The following MARCHF7 variants were observed in gnomAD, a reference collection of about 807,000 sequenced individuals.
MARCHF7 encodes the protein membrane associated ring-CH-type finger 7.
MARCHF7 carries 20 observed loss-of-function variants against 76.5 expected under a neutral mutation model. That is an observed-to-expected ratio of 0.26 (90% CI 0.18 to 0.38). The LOEUF (loss-of-function observed/expected upper bound fraction) is 0.38, where lower values mean the gene tolerates loss of function less well. Among genes scored for constraint, MARCHF7 ranks in the 10% least tolerant of loss-of-function variants. The pLI is 1.00. For missense variants in MARCHF7, 797 were observed against 812.9 expected (o/e 0.98, Z 0.24); for synonymous variants, 295 against 293.0 (o/e 1.01, Z -0.07).
chr2:159,713,421 C>G (rs748897378), intron 1 of MARCHF7, among the ~76,000 whole-genome samples: 4 of 152,110 alleles, frequency 2.6e-5, no homozygotes, highest in African/African-American at 9.7e-5. Flanking sequence ...GTAATAAATT[C>G]GTCACGACTA....
chr2:159,734,551 G>A (rs1703225146), intron 4 of MARCHF7, among the ~76,000 whole-genome samples: 3 of 152,082 alleles, frequency 2.0e-5, no homozygotes, highest in Admixed American at 1.3e-4. Context: ...TATGGAGAGT[G>A]GGTCAGAATT....
At chr2:159,757,678 G>A (rs1198297935) in intron 8 of MARCHF7, among the ~76,000 whole-genome samples, 2 of 152,136 alleles carry the variant, frequency 1.3e-5, no homozygotes, top group African/African-American at 4.8e-5. Context: ...GGTTGCTCCC[G>A]GCTGAGTGTA....
intron 3 of MARCHF7, among the ~76,000 whole-genome samples, chr2:159,716,603 A>C (rs1701068851): frequency 6.6e-6 from 1 of 152,022 alleles, no homozygotes; most frequent in Admixed American, 6.6e-5. Context: ...TGATTGCACC[A>C]CTGCACTCTG....
intron 4 of MARCHF7, among the ~76,000 whole-genome samples, 175 bp downstream of exon 4, chr2:159,729,350 G>A (rs1702513993): frequency 6.6e-6 from 1 of 152,066 alleles, no homozygotes; most frequent in Non-Finnish European, 1.5e-5. Context: ...TCAGAATTAT[G>A]GATAACAGAT....
At chr2:159,735,401 T>C (rs1370285335) in intron 4 of MARCHF7, among the ~76,000 whole-genome samples, 1 of 152,194 alleles carries the variant, frequency 6.6e-6, no homozygotes, top group Non-Finnish European at 1.5e-5. Context: ...TACCATATAG[T>C]TTGCCCATTT....
Position 159,728,990 on chromosome 2 carries a change from G to T in MARCHF7, c.-14-19G>T. The T allele has an allele frequency of 6.7e-7, 1 of 1,497,776 alleles. No homozygotes were observed. Among genetic ancestry groups the T allele is most frequent in the South Asian group, 1.3e-5 (1 of 75,236 alleles). The allele number at this position is 1,497,776 out of a possible 1,614,324, so 92.8% of individuals were successfully genotyped here. A position where few individuals can be genotyped will look rare whatever the true frequency, so the allele number is the denominator to read the frequency against. Reference sequence around the variant, plus strand: ...TCATATTTTCCCAAAGGCAATTAATGAAAATTTTTATTTCACAGAAAAATC... The same window carrying T: ...TCATATTTTCCCAAAGGCAATTAATTAAAATTTTTATTTCACAGAAAAATC... On this transcript the variant is annotated intron_variant, in intron 3 of 11. Coordinates refer to ENST00000409175, the MANE Select transcript of MARCHF7 (RefSeq NM_001282805.2).
rs991081897 is a variant in MARCHF7 at position 159,720,476 on chromosome 2, C to G, written c.-15+4710C>G. ...TTTCCTGTTCCTTGCCTGTATTTTTCAAGCTTCTCTTTATTCAAACACACT... is the reference window on the plus strand; with the variant it reads ...TTTCCTGTTCCTTGCCTGTATTTTTGAAGCTTCTCTTTATTCAAACACACT... On this transcript the variant is annotated intron_variant, in intron 3 of 11. Transcript: ENST00000409175. Among the ~76,000 whole-genome samples the G allele has an allele frequency of 1.1e-4, 16 of 152,144 alleles. 2 individuals are homozygous for G. The East Asian group carries it at 2.9e-3, about 27-fold the overall frequency.
intron 3 of MARCHF7, among the ~76,000 whole-genome samples, chr2:159,723,031 A>G (rs1406178214): frequency 6.6e-6 from 1 of 152,216 alleles, no homozygotes; most frequent in African/African-American, 2.4e-5. Flanking sequence ...ATGTCTTTTA[A>G]AAAGCATTTT....
intron 8 of MARCHF7, among the ~76,000 whole-genome samples, chr2:159,758,036 G>A (rs941837947): frequency 6.6e-6 from 1 of 152,152 alleles, no homozygotes; most frequent in Non-Finnish European, 1.5e-5. Flanking sequence ...GCTCCTTGAA[G>A]GCAGGGCCTA....
chr2:159,717,771 T>G (rs1701200057), intron 3 of MARCHF7, among the ~76,000 whole-genome samples: 1 of 152,044 alleles, frequency 6.6e-6, no homozygotes. Context: ...AAACTAAGTA[T>G]AAAGAAGAAA....
At chr2:159,734,860 T>C (rs571211911) in intron 4 of MARCHF7, among the ~76,000 whole-genome samples, 1 of 150,552 alleles carries the variant, frequency 6.6e-6, no homozygotes, top group South Asian at 2.1e-4. Context: ...GCACACATCT[T>C]AGTCCCAGCT....
intron 4 of MARCHF7, among the ~76,000 whole-genome samples, chr2:159,737,110 G>A (rs940360907): frequency 6.6e-6 from 1 of 152,210 alleles, no homozygotes; most frequent in Non-Finnish European, 1.5e-5. Flanking sequence ...TGTAAATTTA[G>A]TTGCTTCCAT....
At chr2:159,754,966 G>A (rs12478590) in intron 8 of MARCHF7, among the ~76,000 whole-genome samples, 12,152 of 152,204 alleles carry the variant, frequency 0.08, 573 homozygotes, top group African/African-American at 0.13. Flanking sequence ...AGTGAGGTAC[G>A]TGTACAATTT....
rs184917625 is a variant in MARCHF7, at chr2:159,723,509, A to G, written c.-14-5500A>G. ...TTTCCTTACCCTTTACCCCATCTCTAGTCCCACTTTGCAAAGGCAGTGCCC... is the reference window on the plus strand; with the variant it reads ...TTTCCTTACCCTTTACCCCATCTCTGGTCCCACTTTGCAAAGGCAGTGCCC... On this transcript the variant is annotated intron_variant, in intron 3 of 11. Coordinates refer to ENST00000409175, the MANE Select transcript of MARCHF7 (RefSeq NM_001282805.2). 4.4e-3 allele frequency among the ~76,000 whole-genome samples: 676 copies of G among 152,304 alleles called. 3 individuals are homozygous for G. The highest frequency in any genetic ancestry group is 6.8e-3 in the Middle Eastern group (2 of 294).
In MARCHF7 at chr2:159,762,919, G is replaced by A; in HGVS notation, c.1933G>A (p.Val645Met). 10 of 1,613,110 alleles carry A rather than the reference G, an allele frequency of 6.2e-6. No homozygotes were observed. Among genetic ancestry groups the A allele is most frequent in the South Asian group, 2.2e-5 (2 of 90,976 alleles). The change falls in exon 10 of 12, where the codon GTG (valine) becomes ATG (methionine). Residue 645 changes from valine (V) to methionine (M), a missense_variant. By Grantham distance (21) the Val-to-Met change is conservative. This residue lies in a region of MARCHF7 where 124 missense variants were observed against 121.3 expected (regional missense o/e 1.02). Transcript: ENST00000409175. ...TATCAGCTCTGGTCTCTACCTAGTG[G>A]TGTTATTGCACTTGTGCGAACAAAG... Reference protein sequence around the residue: ...EFISSGLYLVVLLHLCEQSFS... With the variant: ...EFISSGLYLVMLLHLCEQSFS...
rs776713402 is a variant in MARCHF7, at chr2:159,748,067, G to A, written c.777G>A (p.Arg259=). Residue 259 remains arginine, a synonymous_variant, in exon 7 of 12, where the codon AGG becomes AGA. Transcript: ENST00000409175. ...CCCCAATCATAAGCAATTCAGAAAG[G>A]GTTGTTTCATCTCAAAGACCATTTC... ...DEAPIISNSE[R]VVSSQRPFQE... 6.2e-7 allele frequency: 1 copy of A among 1,614,110 alleles called. No homozygotes were observed. Among genetic ancestry groups the A allele is most frequent in the Non-Finnish European group, 8.5e-7 (1 of 1,180,010 alleles).
intron 11 of MARCHF7, among the ~76,000 whole-genome samples, chr2:159,765,779 CAT>C (rs1241382987): frequency 1.3e-5 from 2 of 152,112 alleles, no homozygotes; most frequent in Non-Finnish European, 2.9e-5. Context: ...AACCAGGTAA[CAT>C]ATTTTCACAG....
intron 4 of MARCHF7, among the ~76,000 whole-genome samples, chr2:159,742,593 G>A (rs375800437): frequency 1.8e-4 from 27 of 151,904 alleles, no homozygotes; most frequent in African/African-American, 4.8e-4. Flanking sequence ...GCCCAGCAAA[G>A]TACAATTATA....
chr2:159,734,836 A>G (rs1388538679), intron 4 of MARCHF7, among the ~76,000 whole-genome samples: 3 of 148,508 alleles, frequency 2.0e-5, no homozygotes, highest in Admixed American at 6.7e-5. Context: ...AAAAAAAAAA[A>G]GCCAGGCATG....
Sources: allele counts gnomAD v4.1 joint callset (sites outside exome capture counted in the v4.1 genomes callset), GRCh38; gene constraint gnomAD v4.1.1; regional missense constraint gnomAD v4.1.1; transcripts MANE v1.5; gene names NCBI Gene and HGNC (gene_info 2026-07-23, HGNC 2026-07-21).